The following ENDOD1 variants were observed in gnomAD, a reference collection of about 807,000 sequenced individuals.
The protein encoded by ENDOD1 is endonuclease domain-containing 1 protein.
A neutral mutation model predicts 6.5 loss-of-function variants in ENDOD1; 9 were observed. That is an observed-to-expected ratio of 1.39 (90% confidence interval 0.84 to 2.43). ENDOD1 has a LOEUF of 2.43. ENDOD1 is among the 30% of genes most tolerant of loss of function. ENDOD1 has a pLI of 0.00. For synonymous variants in ENDOD1, 255 were observed against 255.2 expected, an observed-to-expected ratio of 1.00 and a Z score of 0.01; for missense variants, 648 against 635.5, an observed-to-expected ratio of 1.02 and a Z score of -0.21.
intron 1 of ENDOD1, among the ~76,000 whole-genome samples, 168 bp from the exon 2 acceptor site, chr11:95,128,209 G>T (rs536312932): frequency 6.6e-6 from 1 of 152,146 alleles, no homozygotes; most frequent in Non-Finnish European, 1.5e-5. Flanking sequence ...CAGGATTTTG[G>T]TATATCAGAA....
intron 1 of ENDOD1, among the ~76,000 whole-genome samples, chr11:95,117,138 G>C (rs1487427953): frequency 6.6e-6 from 1 of 152,174 alleles, no homozygotes. Flanking sequence ...GGTTGGGCAC[G>C]GTGGCTCATG....
Position 95,128,944 on chromosome 11 carries a change from C to G in ENDOD1, c.868C>G (p.Gln290Glu). The part of the protein sequence containing the change: ...KKILEVVNQI[Q>E]DEERMVQSQK... Reference sequence around the variant, plus strand: ...AATCCTGGAAGTGGTTAACCAAATCCAGGATGAAGAACGAATGGTACAATC... The same window carrying G: ...AATCCTGGAAGTGGTTAACCAAATCGAGGATGAAGAACGAATGGTACAATC... Residue 290 changes from glutamine (Q) to glutamate (E), a missense_variant, in exon 2 of 2, where the codon CAG becomes GAG. Physicochemically the swap from Gln to Glu is conservative, Grantham distance 29. Coordinates refer to ENST00000278505, the MANE Select transcript of ENDOD1 (RefSeq NM_015036.3). 6.2e-7 allele frequency: 1 copy of G among 1,614,000 alleles called. No individual in the cohort carries two copies.
At chr11:95,105,317 G>A (rs1190106230) in intron 1 of ENDOD1, among the ~76,000 whole-genome samples, 2 of 152,164 alleles carry the variant, frequency 1.3e-5, no homozygotes, top group Admixed American at 6.5e-5. Flanking sequence ...CCATAACTTA[G>A]GCACATCTAC....
chr11:95,107,275 A>C (rs993648579), intron 1 of ENDOD1, among the ~76,000 whole-genome samples: 2 of 151,144 alleles, frequency 1.3e-5, no homozygotes, highest in Non-Finnish European at 2.9e-5. Context: ...CGGAGCTTGC[A>C]GTGAGCAGAG....
intron 1 of ENDOD1, among the ~76,000 whole-genome samples, chr11:95,096,242 T>TTTTTC: frequency 6.9e-6 from 1 of 144,482 alleles, no homozygotes; most frequent in Non-Finnish European, 1.5e-5. Flanking sequence ...TTTTTTTTTT[T>TTTTTC]TTTTTTTTTT....
intron 1 of ENDOD1, among the ~76,000 whole-genome samples, chr11:95,104,355 G>A (rs1859069785): frequency 6.6e-6 from 1 of 151,900 alleles, no homozygotes; most frequent in Admixed American, 6.6e-5. Context: ...GGCTGAGTGG[G>A]AGGATCACCT....
chr11:95,095,109 C>T (rs1035853749), intron 1 of ENDOD1, among the ~76,000 whole-genome samples: 1 of 152,184 alleles, frequency 6.6e-6, no homozygotes, highest in Non-Finnish European at 1.5e-5. Flanking sequence ...ATCTACAATT[C>T]TGCAAATCTC....
At chr11:95,117,110 A>AATATCTCTCTCTTTAACCT (rs1379828689) in intron 1 of ENDOD1, among the ~76,000 whole-genome samples, 1 of 152,204 alleles carries the variant, frequency 6.6e-6, no homozygotes, top group African/African-American at 2.4e-5. Context: ...CTTTAGCTCT[A>AATATCTCTCTCTTTAACCT]ATAATATTTG....
intron 1 of ENDOD1, among the ~76,000 whole-genome samples, chr11:95,113,792 C>T (rs1555112195): frequency 6.6e-6 from 1 of 152,110 alleles, no homozygotes; most frequent in East Asian, 1.9e-4. Flanking sequence ...GTCATATTGT[C>T]ACTCTATTTT....
At chr11:95,108,627 C>T (rs1376828915) in intron 1 of ENDOD1, among the ~76,000 whole-genome samples, 1 of 152,034 alleles carries the variant, frequency 6.6e-6, no homozygotes, top group East Asian at 1.9e-4. Flanking sequence ...ATGCCAAGCA[C>T]GGAAGATTTT....
intron 1 of ENDOD1, among the ~76,000 whole-genome samples, chr11:95,106,110 G>T (rs567905953): frequency 1.4e-4 from 22 of 152,240 alleles, no homozygotes; most frequent in African/African-American, 4.3e-4. Context: ...CTCAGCTGAT[G>T]TGATTCCTAC....
At chr11:95,101,501 T>C (rs1368999917) in intron 1 of ENDOD1, among the ~76,000 whole-genome samples, 2 of 151,154 alleles carry the variant, frequency 1.3e-5, no homozygotes, top group East Asian at 3.9e-4. Context: ...GTGGTAGTGG[T>C]TGTTATTTAC....
intron 1 of ENDOD1, among the ~76,000 whole-genome samples, chr11:95,120,569 C>T (rs1859253450): frequency 2.0e-5 from 3 of 152,044 alleles, no homozygotes; most frequent in East Asian, 1.9e-4. Context: ...ACTCTTCTCT[C>T]TCTTCTTCTC....
intron 1 of ENDOD1, among the ~76,000 whole-genome samples, chr11:95,109,099 T>C (rs1859122312): frequency 6.6e-6 from 1 of 152,166 alleles, no homozygotes; most frequent in Admixed American, 6.5e-5. Context: ...TTATTTTAAC[T>C]CTTGTTGAAA....
In ENDOD1 at chr11:95,089,897, G is replaced by A. The variant is rs1858908116; in HGVS notation, c.-31G>A. 1 of 1,308,832 alleles carries A rather than the reference G, an allele frequency of 7.6e-7. No homozygotes were observed. The highest frequency in any genetic ancestry group is 2.5e-5 in the South Asian group (1 of 40,584). 81.1% of individuals were successfully genotyped at this position (1,308,832 alleles called of 1,614,324 possible). On this transcript the variant is annotated 5_prime_UTR_variant, in exon 1 of 2. Transcript: ENST00000278505. ...GAGCTCGCGCCGCGGCAGCCCAGCC[G>A]CTCGGCCCCGCCGCGCTCGCAGAGG...
intron 1 of ENDOD1, among the ~76,000 whole-genome samples, chr11:95,127,359 A>G (rs966687819): frequency 2.0e-5 from 3 of 152,220 alleles, no homozygotes; most frequent in Admixed American, 6.5e-5. Context: ...ATTGATGGCA[A>G]TTGATATATA....
At chr11:95,111,938 C>T (rs78462798) in intron 1 of ENDOD1, among the ~76,000 whole-genome samples, 1 of 152,196 alleles carries the variant, frequency 6.6e-6, no homozygotes. Flanking sequence ...TCTCTCAAGG[C>T]CGAGGTCCTC....
intron 1 of ENDOD1, among the ~76,000 whole-genome samples, chr11:95,101,740 T>G (rs550669063): frequency 6.6e-6 from 1 of 152,324 alleles, no homozygotes; most frequent in East Asian, 1.9e-4. Context: ...CTTTGAACTC[T>G]ATGAGGCCAC....
chr11:95,124,089 G>C (rs1859288779), intron 1 of ENDOD1, among the ~76,000 whole-genome samples: 3 of 151,492 alleles, frequency 2.0e-5, no homozygotes. Flanking sequence ...AATCTTAAAG[G>C]AACTTTAAAA....
Sources: allele counts gnomAD v4.1 joint callset (sites outside exome capture counted in the v4.1 genomes callset), GRCh38; gene constraint gnomAD v4.1.1; transcripts MANE v1.5; gene names NCBI Gene and HGNC (gene_info 2026-07-23, HGNC 2026-07-21).